Variants in PPM1B observed in about 807,000 individuals in gnomAD.
PPM1B encodes protein phosphatase, Mg2+/Mn2+ dependent 1B.
In PPM1B, 22 loss-of-function variants were observed where a neutral mutation model predicts 43.0. That is an observed-to-expected ratio of 0.51 (90% confidence interval 0.37 to 0.73). PPM1B has a LOEUF of 0.73. PPM1B is among the 30% of genes least tolerant of loss of function. The probability of loss-of-function intolerance (pLI) is 0.00; values close to 1 mark genes in which losing one functional copy is unlikely to be tolerated. For missense variants in PPM1B, 632 were observed against 584.2 expected, an observed-to-expected ratio of 1.08 and a Z score of -0.84; for synonymous variants, 217 against 197.9, an observed-to-expected ratio of 1.10 and a Z score of -0.81.
chr2:44,222,507 G>T (rs555847266), intron 5 of PPM1B, among the ~76,000 whole-genome samples: 1 of 152,266 alleles, frequency 6.6e-6, no homozygotes, highest in South Asian at 2.1e-4. Context: ...CAAGGGTAAA[G>T]TTGAGCAGGG....
At chr2:44,242,623 C>T (rs1260391453) in intron 5 of PPM1B, among the ~76,000 whole-genome samples, 1 of 152,136 alleles carries the variant, frequency 6.6e-6, no homozygotes, top group Non-Finnish European at 1.5e-5. Flanking sequence ...ACCAGTGTTG[C>T]ACATTGCCAA....
chr2:44,178,763 C>G (rs954102124), intron 1 of PPM1B, among the ~76,000 whole-genome samples: 3 of 152,194 alleles, frequency 2.0e-5, no homozygotes, highest in Admixed American at 1.3e-4. Context: ...AGCCACCATG[C>G]CCAGCCAAAA....
chr2:44,233,572 A>G, downstream of PPM1B: 2 of 985,834 alleles, frequency 2.0e-6, no homozygotes, highest in Non-Finnish European at 2.4e-6. Context: ...ATGCTTTGTA[A>G]ACATTTTCCT....
At chr2:44,234,491 C>T (rs1258870383), downstream of PPM1B, 4 of 937,568 alleles carry the variant, frequency 4.3e-6, no homozygotes, top group East Asian at 4.7e-4. Context: ...TGCACTCCAG[C>T]CTGGCGACAG....
chr2:44,235,192 A>G (rs1413239889), downstream of PPM1B, among the ~76,000 whole-genome samples: 1 of 152,238 alleles, frequency 6.6e-6, no homozygotes, highest in East Asian at 1.9e-4. Flanking sequence ...TGCATTTTGA[A>G]TGGACCTTCT....
At chr2:44,205,324 TA>T (rs1417468619) in intron 2 of PPM1B, among the ~76,000 whole-genome samples, 2 of 138,016 alleles carry the variant, frequency 1.4e-5, no homozygotes, top group African/African-American at 3.0e-5. Context: ...CCTGATAAAA[TA>T]AAGAAGAGTG....
chr2:44,174,149 TTTCTC>T (rs1216665207), intron 1 of PPM1B, among the ~76,000 whole-genome samples: 21 of 152,362 alleles, frequency 1.4e-4, no homozygotes, highest in Admixed American at 8.5e-4. Flanking sequence ...GATTCAAACT[TTTCTC>T]TTGGAGAATG....
Position 44,201,838 on chromosome 2 carries a change from G to A in PPM1B, c.639G>A (p.Lys213=). 2 of 1,614,176 alleles carry A rather than the reference G, an allele frequency of 1.2e-6. No individual in the cohort carries two copies. Among genetic ancestry groups the A allele is most frequent in the African/African-American group, 2.7e-5 (2 of 75,060 alleles). ...ATGATTACAAGTGTGTTGATGGCAA[G>A]GGCCCAACAGAACAACTTGTTTCTC... The part of the protein sequence containing the change: ...GDYDYKCVDG[K]GPTEQLVSPE... Residue 213 remains lysine, a synonymous_variant, in exon 2 of 6, where the codon AAG becomes AAA. Transcript: ENST00000282412. This position sits in a 1 kb window ranked among gnomAD's most constrained non-coding sequence, Gnocchi z 5.4.
Position 44,201,948 on chromosome 2 carries a change from G to C in PPM1B, c.749G>C (p.Ser250Thr), listed in dbSNP as rs762345074. ...TGTGATGGGATCTGGGATGTTATGAGTAATGAGGAGCTCTGTGAATATGTT... is the reference window on the plus strand; with the variant it reads ...TGTGATGGGATCTGGGATGTTATGACTAATGAGGAGCTCTGTGAATATGTT... ...LACDGIWDVM[S>T]NEELCEYVKS... Residue 250 changes from serine to threonine, a missense_variant, in exon 2 of 6, where the codon AGT (serine) becomes ACT (threonine). Around this residue, in one of 3 missense-constraint regions of PPM1B, gnomAD observed 392 missense variants for 302.7 expected, o/e 1.29. Transcript: ENST00000282412. The surrounding 1 kb of genome is among the most constrained non-coding windows in gnomAD (Gnocchi z 5.4). 6.2e-7 allele frequency: 1 copy of C among 1,614,156 alleles called. No individual in the cohort carries two copies. The highest frequency in any genetic ancestry group is 8.5e-7 in the Non-Finnish European group (1 of 1,180,018).
intron 4 of PPM1B, 121 bp from the exon 5 acceptor site, chr2:44,218,359 C>G (rs1490100522): frequency 9.1e-6 from 7 of 766,442 alleles, no homozygotes; most frequent in Non-Finnish European, 1.5e-5. Context: ...AAGGTATGTT[C>G]TTGACAAGTA....
intron 5 of PPM1B, among the ~76,000 whole-genome samples, chr2:44,222,482 A>G (rs1412769428): frequency 6.6e-6 from 1 of 152,186 alleles, no homozygotes; most frequent in Non-Finnish European, 1.5e-5. Flanking sequence ...GTAGTTGCAC[A>G]AGTTGGTAAT....
rs1670718625 is a variant in PPM1B at position 44,240,342 on chromosome 2, C to T, written n.1547-3886C>T. Among the ~76,000 whole-genome samples, 2 of 145,956 alleles carry T rather than the reference C, an allele frequency of 1.4e-5. 1 individual carries two copies. Among genetic ancestry groups the T allele is most frequent in the Non-Finnish European group, 3.1e-5 (2 of 65,368 alleles). On this transcript the variant is annotated intron_variant and non_coding_transcript_variant, in intron 5 of 5. Transcript: ENST00000378540. ...AATTGTACTCTGGGACCATGTTGCTCACTCATTTTAACCTATCACTCCCTT... is the reference window on the plus strand; with the variant it reads ...AATTGTACTCTGGGACCATGTTGCTTACTCATTTTAACCTATCACTCCCTT...
intron 3 of PPM1B, among the ~76,000 whole-genome samples, chr2:44,210,183 T>C (rs1206912095): frequency 6.6e-6 from 1 of 152,044 alleles, no homozygotes; most frequent in Non-Finnish European, 1.5e-5. Flanking sequence ...AAGATTATTT[T>C]ACATATTTTT....
At chr2:44,203,708 A>G (rs988584509) in intron 2 of PPM1B, among the ~76,000 whole-genome samples, 11 of 152,294 alleles carry the variant, frequency 7.2e-5, no homozygotes, top group African/African-American at 2.4e-4. Flanking sequence ...AGAGATCTCC[A>G]TGCCTATAAG....
intron 1 of PPM1B, among the ~76,000 whole-genome samples, chr2:44,179,619 G>A (rs1176137216): frequency 1.3e-5 from 2 of 152,144 alleles, no homozygotes; most frequent in Non-Finnish European, 2.9e-5. Flanking sequence ...CCGTTGGAAT[G>A]CAGGTGTTTA....
intron 1 of PPM1B, among the ~76,000 whole-genome samples, chr2:44,181,930 G>GA (rs1465541965): frequency 5.9e-5 from 9 of 152,040 alleles, no homozygotes; most frequent in African/African-American, 2.2e-4. Flanking sequence ...AGAGGGTACA[G>GA]AAAAAAGAAT....
chr2:44,218,223 A>G (rs918411954), intron 4 of PPM1B, 145 bp downstream of exon 4: 32 of 704,282 alleles, frequency 4.5e-5, no homozygotes, highest in Middle Eastern at 2.7e-4. Context: ...AACTCTTAAA[A>G]CTTCAACCAA....
In PPM1B at chr2:44,201,680, C is replaced by G. The variant is rs34745955; in HGVS notation, c.481C>G (p.Gln161Glu). 82 of 1,614,168 alleles carry G rather than the reference C, an allele frequency of 5.1e-5. 1 individual carries two copies. In the African/African-American group the frequency reaches 1.0e-3, roughly 20 times the overall value. The change falls in exon 2 of 6, where the codon CAA (glutamine) becomes GAA (glutamate). Residue 161 changes from glutamine to glutamate, a missense_variant. Physicochemically the swap from Gln to Glu is conservative, Grantham distance 29. Transcript: ENST00000282412. The surrounding 1 kb of genome is among the most constrained non-coding windows in gnomAD (Gnocchi z 5.4). ...ACGTGCTGTTCTGTATAGGAATGGA[C>G]AAGTCTGCTTTTCTACCCAGGATCA... ...DSRAVLYRNG[Q>E]VCFSTQDHKP...
chr2:44,236,428 G>A (rs866608769), downstream of PPM1B, among the ~76,000 whole-genome samples: 440 of 70,170 alleles, frequency 6.3e-3, no homozygotes, highest in Non-Finnish European at 9.6e-3. Context: ...AAAAAAAAAA[G>A]TTGTAATGAA....
Sources: gnomAD v4.1 joint callset for allele counts (sites outside exome capture counted in the v4.1 genomes callset) on GRCh38, gnomAD v4.1.1 for gene constraint, gnomAD v4.1.1 regional missense constraint, Gnocchi (gnomAD v3.1) non-coding constraint, MANE v1.5 for transcripts, NCBI Gene and HGNC (gene_info 2026-07-23, HGNC 2026-07-21) for gene names.